The following GALNTL6 variants were observed in gnomAD, a reference collection of about 807,000 sequenced individuals.
GALNTL6 encodes the protein polypeptide N-acetylgalactosaminyltransferase like 6.
In GALNTL6, 46 loss-of-function variants were observed where a neutral mutation model predicts 73.7. The observed-to-expected ratio is 0.62, with a 90% CI of 0.49 to 0.80. GALNTL6 has a LOEUF of 0.80. Ranked by LOEUF, GALNTL6 falls within the 30% of genes least tolerant of loss-of-function variation. The pLI is 0.00. For synonymous variants in GALNTL6, 259 were observed against 263.7 expected, an observed-to-expected ratio of 0.98 and a Z score of 0.17; for missense variants, 604 against 755.0, an observed-to-expected ratio of 0.80 and a Z score of 2.34.
chr4:172,284,198 A>G lies in GALNTL6; in HGVS notation c.248-27416A>G, dbSNP rs150948389. On this transcript the variant is annotated intron_variant, in intron 3 of 12. Coordinates refer to ENST00000506823, the MANE Select transcript of GALNTL6 (RefSeq NM_001034845.3). ...GAAAAAAAATAGGCTAAGAATTCAT[A>G]TCAGTGCAATTAATCTTTTACAACT... is the stretch of plus-strand genomic sequence containing the variant. 2.1e-3 allele frequency among the ~76,000 whole-genome samples: 318 copies of G among 152,368 alleles called. 1 individual carries two copies. Among genetic ancestry groups the G allele is most frequent in the African/African-American group, 7.1e-3 (295 of 41,600 alleles).
chr4:172,240,310 G>A (rs966077832), intron 3 of GALNTL6, among the ~76,000 whole-genome samples: 14 of 151,902 alleles, frequency 9.2e-5, no homozygotes, highest in African/African-American at 2.9e-4. Flanking sequence ...TGCAAGCTCC[G>A]CCTCCTGGGT....
chr4:172,322,182 C>G (rs950675821), intron 4 of GALNTL6, among the ~76,000 whole-genome samples: 2 of 152,110 alleles, frequency 1.3e-5, no homozygotes, highest in Non-Finnish European at 2.9e-5. Context: ...GTCAAAATGT[C>G]GAACCATGCA....
At chr4:171,920,629 A>T (rs57165939) in intron 2 of GALNTL6, among the ~76,000 whole-genome samples, 6,029 of 152,232 alleles carry the variant, frequency 0.04, 346 homozygotes, top group African/African-American at 0.12. Flanking sequence ...TTTACAATGT[A>T]GTACATCAAC....
At chr4:172,403,632 C>CA (rs1415817648) in intron 5 of GALNTL6, among the ~76,000 whole-genome samples, 4 of 151,906 alleles carry the variant, frequency 2.6e-5, no homozygotes, top group Non-Finnish European at 4.4e-5. Context: ...CTTAGTATGT[C>CA]AAAAAGCATA....
intron 2 of GALNTL6, among the ~76,000 whole-genome samples, chr4:171,896,773 A>G (rs937402186): frequency 1.3e-5 from 2 of 152,218 alleles, no homozygotes; most frequent in African/African-American, 4.8e-5. Context: ...TGAGGGGGAC[A>G]AAAACATTCA....
chr4:172,150,719 A>C (rs1046942749), intron 2 of GALNTL6, among the ~76,000 whole-genome samples: 20 of 152,212 alleles, frequency 1.3e-4, no homozygotes, highest in Non-Finnish European at 4.4e-5. Context: ...GGCAGTAGGG[A>C]GAAGAGGATC....
At chr4:172,194,847 G>A (rs1735703222) in intron 2 of GALNTL6, among the ~76,000 whole-genome samples, 5 of 152,074 alleles carry the variant, frequency 3.3e-5, no homozygotes, top group Admixed American at 3.3e-4. Context: ...AAAAGACACT[G>A]AAGTACACAC....
chr4:172,940,575 A>G (rs984398375), intron 9 of GALNTL6, among the ~76,000 whole-genome samples: 1 of 151,408 alleles, frequency 6.6e-6, no homozygotes, highest in Non-Finnish European at 1.5e-5. Context: ...GTTGGCCAGG[A>G]TGGTCTCGAT....
chr4:171,815,962 T>C (rs1164014111), intron 2 of GALNTL6: 7 of 152,192 alleles, frequency 4.6e-5, no homozygotes, highest in Non-Finnish European at 1.0e-4. Flanking sequence ...TATTTTCATT[T>C]AGTTGTTAAT....
intron 2 of GALNTL6, among the ~76,000 whole-genome samples, chr4:171,825,303 C>T (rs1181811918): frequency 6.6e-6 from 1 of 152,068 alleles, no homozygotes; most frequent in East Asian, 1.9e-4. Flanking sequence ...CTTTCTCACG[C>T]CCTCTTCTAG....
At chr4:171,862,239 A>G (rs1735849093) in intron 2 of GALNTL6, among the ~76,000 whole-genome samples, 1 of 152,156 alleles carries the variant, frequency 6.6e-6, no homozygotes, top group African/African-American at 2.4e-5. Flanking sequence ...CATTATTAGC[A>G]TATTCATATG....
intron 2 of GALNTL6, among the ~76,000 whole-genome samples, chr4:172,042,576 C>T (rs953768917): frequency 1.3e-5 from 2 of 151,776 alleles, no homozygotes; most frequent in Admixed American, 6.6e-5. Flanking sequence ...TATGGCACCC[C>T]GTCTATTTAG....
chr4:172,599,070 T>A (rs1294203709), intron 5 of GALNTL6, among the ~76,000 whole-genome samples: 1 of 152,144 alleles, frequency 6.6e-6, no homozygotes, highest in Non-Finnish European at 1.5e-5. Flanking sequence ...CCTAGGCAGA[T>A]TGACTGAAGA....
At chr4:172,388,825 G>A (rs1397180696) in intron 5 of GALNTL6, among the ~76,000 whole-genome samples, 3 of 151,932 alleles carry the variant, frequency 2.0e-5, no homozygotes, top group South Asian at 4.1e-4. Context: ...AACCTGCTTC[G>A]GGGGTAGCGG....
chr4:172,497,455 G>A (rs992779822), intron 5 of GALNTL6, among the ~76,000 whole-genome samples: 3 of 152,210 alleles, frequency 2.0e-5, no homozygotes, highest in Non-Finnish European at 2.9e-5. Flanking sequence ...CTGATTGAAT[G>A]TGAAAAACAA....
At chr4:172,748,261 A>C (rs553694879) in intron 5 of GALNTL6, among the ~76,000 whole-genome samples, 1 of 152,176 alleles carries the variant, frequency 6.6e-6, no homozygotes, top group Non-Finnish European at 1.5e-5. Context: ...GCGGGACCTA[A>C]CCTTGGGCAG....
At chr4:172,301,692 G>A (rs895205591) in intron 3 of GALNTL6, among the ~76,000 whole-genome samples, 2 of 152,170 alleles carry the variant, frequency 1.3e-5, no homozygotes, top group East Asian at 3.9e-4. Flanking sequence ...AGATATTGGT[G>A]AACAGCAAAT....
intron 10 of GALNTL6, among the ~76,000 whole-genome samples, chr4:173,005,629 A>C (rs1370490193): frequency 6.6e-6 from 1 of 152,230 alleles, no homozygotes; most frequent in Non-Finnish European, 1.5e-5. Flanking sequence ...TGTGAGCAAA[A>C]TGAGAGAATC....
chr4:172,305,954 G>A (rs1192873628), intron 3 of GALNTL6, among the ~76,000 whole-genome samples: 4 of 152,094 alleles, frequency 2.6e-5, no homozygotes, highest in Non-Finnish European at 5.9e-5. Flanking sequence ...TCTAATGAAT[G>A]TGTAGCTTCA....
Sources: allele counts gnomAD v4.1 joint callset (sites outside exome capture counted in the v4.1 genomes callset), GRCh38; gene constraint gnomAD v4.1.1; transcripts MANE v1.5; gene names NCBI Gene and HGNC (gene_info 2026-07-23, HGNC 2026-07-21).